Variants in PLCB1 observed in about 807,000 individuals in gnomAD.
The protein encoded by PLCB1 is 1-phosphatidylinositol 4,5-bisphosphate phosphodiesterase beta-1.
In PLCB1, 46 loss-of-function variants were observed where a neutral mutation model predicts 161.8. The observed-to-expected ratio is 0.28, with a 90% confidence interval of 0.22 to 0.36. PLCB1 has a LOEUF of 0.36. Among genes scored for constraint, PLCB1 ranks in the 10% least tolerant of loss-of-function variants. The pLI, the probability that PLCB1 is intolerant of heterozygous loss-of-function variation, is 1.00. For missense variants in PLCB1, 1,016 were observed against 1,472.5 expected, an observed-to-expected ratio of 0.69 and a Z score of 5.07; for synonymous variants, 517 against 503.7, an observed-to-expected ratio of 1.03 and a Z score of -0.35.
At chr20:8,609,872 T>G (rs6118268) in intron 3 of PLCB1, among the ~76,000 whole-genome samples, 30,593 of 151,960 alleles carry the variant, frequency 0.2, 3,139 homozygotes, top group East Asian at 0.31. Flanking sequence ...TCACAAAGGG[T>G]GCACAGGTAC....
At chr20:8,683,284 AAGTT>A (rs1337606180) in intron 9 of PLCB1, among the ~76,000 whole-genome samples, 3 of 152,062 alleles carry the variant, frequency 2.0e-5, no homozygotes, top group Non-Finnish European at 4.4e-5. Flanking sequence ...TCTGAAAGAA[AAGTT>A]AGGGATGTTC....
At chr20:8,648,320 TG>T (rs1759588829) in intron 6 of PLCB1, among the ~76,000 whole-genome samples, 1 of 152,166 alleles carries the variant, frequency 6.6e-6, no homozygotes. Flanking sequence ...AAGCAGGGTT[TG>T]CAACCTCAGA....
At chr20:8,389,521 C>G (rs1265934392) in intron 3 of PLCB1, among the ~76,000 whole-genome samples, 1 of 152,114 alleles carries the variant, frequency 6.6e-6, no homozygotes, top group Non-Finnish European at 1.5e-5. Flanking sequence ...TTAATGAAAC[C>G]CAGGTCTTTT....
chr20:8,812,124 C>T (rs937424529), intron 31 of PLCB1, among the ~76,000 whole-genome samples: 1 of 151,978 alleles, frequency 6.6e-6, no homozygotes, highest in Non-Finnish European at 1.5e-5. Context: ...GGGGCTAGAG[C>T]CTTGCTTGCT....
At chr20:8,550,826 A>C (rs1189985133) in intron 3 of PLCB1, among the ~76,000 whole-genome samples, 2 of 152,110 alleles carry the variant, frequency 1.3e-5, no homozygotes, top group Non-Finnish European at 2.9e-5. Context: ...GAGTTTGGAG[A>C]CTTCTTCTGG....
chr20:8,750,877 C>A (rs1235419764), intron 23 of PLCB1: 1 of 1,363,526 alleles, frequency 7.3e-7, no homozygotes, highest in South Asian at 1.1e-5. Context: ...TTACCTCTTA[C>A]CCATGTGGTG....
chr20:8,676,434 G>GAAAGAAAGAAAGAGAAAGAAAGAAAGAA (rs1555782393), intron 9 of PLCB1, among the ~76,000 whole-genome samples: 1 of 151,462 alleles, frequency 6.6e-6, no homozygotes, highest in African/African-American at 2.4e-5. Flanking sequence ...AAGAAAGAAA[G>GAAAGAAAGAAAGAGAAAGAAAGAAAGAA]AGAGAAAGAG....
chr20:8,227,812 T>C (rs995434409), intron 2 of PLCB1, among the ~76,000 whole-genome samples: 2 of 152,156 alleles, frequency 1.3e-5, no homozygotes, highest in Admixed American at 1.3e-4. Flanking sequence ...ATAAAATATA[T>C]GGGCTTAGCA....
At chr20:8,192,321 C>T (rs1305639503) in intron 2 of PLCB1, among the ~76,000 whole-genome samples, 1 of 151,624 alleles carries the variant, frequency 6.6e-6, no homozygotes, top group Non-Finnish European at 1.5e-5. Context: ...TTTTCTTGCC[C>T]GAGAAGCTAA....
chr20:8,151,546 G>A (rs2051508078), intron 2 of PLCB1, among the ~76,000 whole-genome samples: 1 of 152,164 alleles, frequency 6.6e-6, no homozygotes, highest in African/African-American at 2.4e-5. Flanking sequence ...GTCAAAAATT[G>A]TATGAGTAAG....
intron 2 of PLCB1, among the ~76,000 whole-genome samples, chr20:8,295,186 T>C (rs530013730): frequency 9.9e-5 from 15 of 152,278 alleles, no homozygotes; most frequent in African/African-American, 3.6e-4. Context: ...AACGATGTGA[T>C]ACAGGAAGAA....
At chr20:8,725,353 T>A (rs1439363873) in intron 16 of PLCB1, among the ~76,000 whole-genome samples, 3 of 152,118 alleles carry the variant, frequency 2.0e-5, no homozygotes, top group African/African-American at 7.2e-5. Context: ...TTTATGAAAA[T>A]GCCCCTTGTA....
chr20:8,171,385 TA>T (rs2051731462), intron 2 of PLCB1, among the ~76,000 whole-genome samples: 1 of 152,180 alleles, frequency 6.6e-6, no homozygotes, highest in African/African-American at 2.4e-5. Flanking sequence ...TTCATCATTT[TA>T]TTTGTTCATA....
chr20:8,310,658 C>G (rs1276528742), intron 2 of PLCB1, among the ~76,000 whole-genome samples: 3 of 152,000 alleles, frequency 2.0e-5, no homozygotes, highest in Admixed American at 2.0e-4. Context: ...AGGTTGGTTA[C>G]AAGGATATAT....
chr20:8,595,149 T>C (rs1987291130), intron 3 of PLCB1, among the ~76,000 whole-genome samples: 4 of 151,806 alleles, frequency 2.6e-5, no homozygotes, highest in Admixed American at 2.6e-4. Context: ...GTGCACATTG[T>C]GCAGGTTAGT....
At chr20:8,857,322 TTCTC>T (rs1242792691) in intron 31 of PLCB1, among the ~76,000 whole-genome samples, 1 of 152,232 alleles carries the variant, frequency 6.6e-6, no homozygotes, top group Admixed American at 6.5e-5. Context: ...TTATGTGAAC[TTCTC>T]TCTGTGTACT....
In PLCB1 at chr20:8,882,017, A is replaced by T. The variant is rs138231814; in HGVS notation, c.*168A>T. The stretch of plus-strand genomic sequence containing the variant: ...GAATCCATGAAGAATTCCCATGCCC[A>T]GGCTCCATGTGTCATGTGGAAACCT... On this transcript the variant is annotated 3_prime_UTR_variant, in exon 32 of 32. Coordinates refer to ENST00000338037, the MANE Select transcript of PLCB1 (RefSeq NM_015192.4). 11 of 601,460 alleles carry T rather than the reference A, an allele frequency of 1.8e-5. No individual in the cohort carries two copies. Among genetic ancestry groups the T allele is most frequent in the African/African-American group, 3.7e-5 (2 of 53,874 alleles). 37.3% of individuals were successfully genotyped at this position (601,460 alleles called of 1,614,324 possible).
At chr20:8,253,208 G>T (rs1392561350) in intron 2 of PLCB1, among the ~76,000 whole-genome samples, 1 of 148,746 alleles carries the variant, frequency 6.7e-6, no homozygotes, top group Non-Finnish European at 1.5e-5. Context: ...TTCCCTAAGG[G>T]CATCCTTCAG....
rs867472147 is a variant in PLCB1, at chr20:8,831,928, T to C, written c.3423+41667T>C. On this transcript the variant is annotated intron_variant, in intron 31 of 31. Coordinates refer to ENST00000338037, the MANE Select transcript of PLCB1 (RefSeq NM_015192.4). The stretch of plus-strand genomic sequence containing the variant: ...TCTTTCTTTCTCTTTCTTTCTTTCT[T>C]TCTTTCTTTCTTTCTTTCTTTCTTT... Among the ~76,000 whole-genome samples, 3 of 70,584 alleles carry C rather than the reference T, an allele frequency of 4.3e-5. No individual in the cohort carries two copies. In the East Asian group the frequency reaches 1.1e-3, roughly 26 times the overall value. 46.3% of individuals were successfully genotyped at this position (70,584 alleles called of 152,430 possible). A position where few individuals can be genotyped will look rare whatever the true frequency, so the allele number is the denominator to read the frequency against.
Sources: gnomAD v4.1 joint callset for allele counts (sites outside exome capture counted in the v4.1 genomes callset) on GRCh38, gnomAD v4.1.1 for gene constraint, MANE v1.5 for transcripts, NCBI Gene and HGNC (gene_info 2026-07-23, HGNC 2026-07-21) for gene names.